Variants in AP5Z1 observed in about 807,000 individuals in gnomAD.
AP5Z1 encodes AP-5 complex subunit zeta-1.
A neutral mutation model predicts 83.0 loss-of-function variants in AP5Z1; 106 were observed. The observed-to-expected ratio is 1.28, with a 90% CI of 1.09 to 1.50. The LOEUF is 1.50. AP5Z1 is among the 40% of genes most tolerant of loss of function. The probability of loss-of-function intolerance (pLI) is 0.00; values close to 1 mark genes in which losing one functional copy is unlikely to be tolerated. For missense variants in AP5Z1, 1,565 were observed against 1,094.2 expected (o/e 1.43, Z -6.07); for synonymous variants, 751 against 514.1 (o/e 1.46, Z -6.23).
Position 4,775,768 on chromosome 7 carries a change from C to G in AP5Z1, c.41+12C>G, listed in dbSNP as rs1010596827. Reference sequence around the variant, plus strand: ...CTCCACCAGGCCAGGTACGGGGGAGCTGCGGCCCCGGCCCTCCTTCCTGCA... The same window carrying G: ...CTCCACCAGGCCAGGTACGGGGGAGGTGCGGCCCCGGCCCTCCTTCCTGCA... On this transcript the variant is annotated intron_variant, in intron 1 of 16. Transcript: ENST00000649063. The G allele has an allele frequency of 4.4e-6, 7 of 1,602,552 alleles. No individual in the cohort carries two copies. In the African/African-American group the frequency reaches 9.4e-5, roughly 21 times the overall value.
chr7:4,788,591 G>A (rs1781635380), intron 12 of AP5Z1: 1 of 494,412 alleles, frequency 2.0e-6, no homozygotes, highest in Non-Finnish European at 3.5e-6. Context: ...CAGGAAGCAG[G>A]AGGCCTGGGA....
At chr7:4,787,544 G>A in intron 10 of AP5Z1, 90 bp from the exon 11 acceptor site, 1 of 1,487,310 alleles carries the variant, frequency 6.7e-7, no homozygotes, top group South Asian at 1.3e-5. Flanking sequence ...CTGCAGGTCT[G>A]GGACAGCTGT....
intron 1 of AP5Z1, among the ~76,000 whole-genome samples, chr7:4,776,347 G>C (rs1050139761): frequency 6.6e-6 from 1 of 151,938 alleles, no homozygotes; most frequent in Non-Finnish European, 1.5e-5. Flanking sequence ...AGTCATGGGG[G>C]AAAACAGTGT....
intron 7 of AP5Z1, 119 bp from the exon 8 acceptor site, chr7:4,785,296 G>C (rs935337478): frequency 7.1e-7 from 1 of 1,400,648 alleles, no homozygotes; most frequent in Non-Finnish European, 9.6e-7. Context: ...GTCCTCCTGG[G>C]GGCCTGTCCC....
chr7:4,783,086 A>T (rs969943048), intron 3 of AP5Z1, among the ~76,000 whole-genome samples: 1 of 152,008 alleles, frequency 6.6e-6, no homozygotes, highest in Non-Finnish European at 1.5e-5. Flanking sequence ...CCGTGCCCTC[A>T]CCCAGGCCCC....
intron 10 of AP5Z1, 23 bp from the exon 11 acceptor site, chr7:4,787,611 G>C (rs202169032): frequency 2.6e-6 from 4 of 1,544,464 alleles, no homozygotes; most frequent in African/African-American, 2.7e-5. Context: ...AGCCGTGTCC[G>C]AACCGCTGTG....
chr7:4,790,783 G>A lies in AP5Z1; in HGVS notation c.2049G>A (p.Gln683=), dbSNP rs931276968. 1.9e-6 allele frequency: 3 copies of A among 1,609,216 alleles called. No individual in the cohort carries two copies. Among genetic ancestry groups the A allele is most frequent in the Non-Finnish European group, 2.5e-6 (3 of 1,178,800 alleles). Residue 683 remains glutamine (Q), a synonymous_variant, in exon 16 of 17, where the codon CAG becomes CAA. Transcript: ENST00000649063. ...ALEALLFEVT[Q]CRPSAALPRC... Reference sequence around the variant, plus strand: ...AGGCTCTGCTATTCGAGGTCACCCAGTGCCGCCCCTCTGCTGCCCTGCCCA... The same window carrying A: ...AGGCTCTGCTATTCGAGGTCACCCAATGCCGCCCCTCTGCTGCCCTGCCCA...
chr7:4,790,120 C>T (rs1022399968), intron 14 of AP5Z1, 191 bp downstream of exon 14: 44 of 1,399,086 alleles, frequency 3.1e-5, no homozygotes, highest in Admixed American at 1.5e-4. Flanking sequence ...TTCTCAAGAA[C>T]ATTCCCGTCC....
rs1387447070 is a variant in AP5Z1, at chr7:4,775,646, G to C, written c.-70G>C. ...GTGACGCGGTCCCGGAAGTTGACCG[G>C]GGTGCGGAGCTCCTGGGCTGCAGCT... On this transcript the variant is annotated 5_prime_UTR_variant, in exon 1 of 17. Transcript: ENST00000649063. The C allele has an allele frequency of 7.5e-6, 12 of 1,593,666 alleles. No homozygotes were observed. The highest frequency in any genetic ancestry group is 1.7e-5 in the Admixed American group (1 of 58,744).
At position 4,790,665 on chromosome 7, in the gene AP5Z1, G is replaced by T; in HGVS notation, c.1939-8G>T. 1 of 1,612,010 alleles carries T rather than the reference G, an allele frequency of 6.2e-7. No homozygotes were observed. On this transcript the variant is annotated splice_region_variant and splice_polypyrimidine_tract_variant and intron_variant, in intron 15 of 16. Coordinates refer to ENST00000649063, the MANE Select transcript of AP5Z1 (RefSeq NM_014855.3). The stretch of plus-strand genomic sequence containing the variant: ...GGGTGGGGGCTGAATCTCTGTCCCC[G>T]GGCCTAGGTGTGGGCCATCGGCGAG...
intron 2 of AP5Z1, 48 bp downstream of exon 2, chr7:4,781,360 G>C (rs758985990): frequency 1.1e-5 from 17 of 1,608,728 alleles, no homozygotes; most frequent in Non-Finnish European, 1.4e-5. Flanking sequence ...GCGGCCCCAG[G>C]AGAACCCAGC....
chr7:4,780,480 G>A (rs1413316690), intron 1 of AP5Z1, among the ~76,000 whole-genome samples: 2 of 146,434 alleles, frequency 1.4e-5, no homozygotes, highest in South Asian at 2.2e-4. Flanking sequence ...TTAGCCGGGC[G>A]TAGGCCAGGC....
intron 9 of AP5Z1, 79 bp from the exon 10 acceptor site, chr7:4,786,171 C>A: frequency 7.0e-7 from 1 of 1,420,208 alleles, no homozygotes. Flanking sequence ...AGGCCTGAGA[C>A]TCAGGGCCCC....
In AP5Z1 at chr7:4,794,150, C is replaced by T. The variant is rs985147195; in HGVS notation, c.*2765C>T. 1.3e-5 allele frequency: 2 copies of T among 152,256 alleles called. No individual in the cohort carries two copies. The highest frequency in any genetic ancestry group is 2.9e-5 in the Non-Finnish European group (2 of 68,124). The allele number at this position is 152,256 out of a possible 1,614,324, so 9.4% of individuals were successfully genotyped here. A position where few individuals can be genotyped will look rare whatever the true frequency, so the allele number is the denominator to read the frequency against. On this transcript the variant is annotated 3_prime_UTR_variant, in exon 17 of 17. Coordinates refer to ENST00000649063, the MANE Select transcript of AP5Z1 (RefSeq NM_014855.3). The stretch of plus-strand genomic sequence containing the variant: ...GGGACTTGGAAAACCTTTTTGTCAA[C>T]ACTCTGTATCTAGTTAATCTGGTGG...
chr7:4,787,536 G>A, intron 10 of AP5Z1, 98 bp from the exon 11 acceptor site: 2 of 1,467,006 alleles, frequency 1.4e-6, no homozygotes, highest in South Asian at 1.3e-5. Flanking sequence ...CCTGGGGACT[G>A]CAGGTCTGGG....
rs1403271354 is a variant in AP5Z1 at position 4,793,112 on chromosome 7, A to T, written c.*1727A>T. 1.3e-5 allele frequency: 2 copies of T among 152,318 alleles called. No individual in the cohort carries two copies. Among genetic ancestry groups the T allele is most frequent in the Admixed American group, 1.3e-4 (2 of 15,288 alleles). 9.4% of individuals were successfully genotyped at this position (152,318 alleles called of 1,614,324 possible). On this transcript the variant is annotated 3_prime_UTR_variant, in exon 17 of 17. Transcript: ENST00000649063. ...GGCTTAGGACTGGGAGTGTGACTTGAAGGGCCGTCCCGCTCATCCAAGGGA... is the reference window on the plus strand; with the variant it reads ...GGCTTAGGACTGGGAGTGTGACTTGTAGGGCCGTCCCGCTCATCCAAGGGA...
chr7:4,775,694 C>T lies in AP5Z1; in HGVS notation c.-22C>T, dbSNP rs778460203. On this transcript the variant is annotated 5_prime_UTR_variant, in exon 1 of 17. Transcript: ENST00000649063. ...GCTCCTGGAGTTTCCGAGGTTCGTGCGCGTCTGGTGGCGGCGGCGTGATGT... is the reference window on the plus strand; with the variant it reads ...GCTCCTGGAGTTTCCGAGGTTCGTGTGCGTCTGGTGGCGGCGGCGTGATGT... The T allele has an allele frequency of 1.9e-6, 3 of 1,606,632 alleles. No homozygotes were observed. The highest frequency in any genetic ancestry group is 2.5e-6 in the Non-Finnish European group (3 of 1,179,656).
At chr7:4,787,466 A>T in intron 10 of AP5Z1, 168 bp from the exon 11 acceptor site, 1 of 1,033,160 alleles carries the variant, frequency 9.7e-7, no homozygotes, top group Non-Finnish European at 1.3e-6. Flanking sequence ...AGCCTGGGCG[A>T]CAGAGCAAGA....
In AP5Z1 at chr7:4,785,778, T is replaced by TTGA; in HGVS notation, c.1132+95_1132+96insGAT. 18 of 1,353,996 alleles carry TTGA rather than the reference T, an allele frequency of 1.3e-5. No individual in the cohort carries two copies. In the South Asian group the frequency reaches 2.3e-4, roughly 17 times the overall value. 83.9% of individuals were successfully genotyped at this position (1,353,996 alleles called of 1,614,324 possible). A position where few individuals can be genotyped will look rare whatever the true frequency, so the allele number is the denominator to read the frequency against. The stretch of plus-strand genomic sequence containing the variant: ...TTCTTCCCTTTTTTTTTTTTTTTTT[T>TTGA]TTGATTGAATAGAGACAGGGGTCTT... On this transcript the variant is annotated intron_variant, in intron 9 of 16. Coordinates refer to ENST00000649063, the MANE Select transcript of AP5Z1 (RefSeq NM_014855.3).
Sources: allele counts gnomAD v4.1 joint callset (sites outside exome capture counted in the v4.1 genomes callset), GRCh38; gene constraint gnomAD v4.1.1; transcripts MANE v1.5; gene names NCBI Gene and HGNC (gene_info 2026-07-23, HGNC 2026-07-21).